The following CREBBP variants were observed in gnomAD, a reference collection of about 807,000 sequenced individuals.
CREBBP encodes CREB-binding protein.
Under a neutral mutation model 265.0 loss-of-function variants are expected in CREBBP, and 19 were observed. That is an observed-to-expected ratio of 0.07 (90% confidence interval 0.05 to 0.11). The LOEUF is 0.11. CREBBP is among the 10% of genes least tolerant of loss of function. CREBBP has a pLI of 1.00. For missense variants in CREBBP, 2,525 were observed against 3,219.0 expected, an observed-to-expected ratio of 0.78 and a Z score of 5.22; for synonymous variants, 1,457 against 1,223.7, an observed-to-expected ratio of 1.19 and a Z score of -3.98.
rs1023786038 is a variant in CREBBP at position 3,850,645 on chromosome 16, T to G, written c.450A>C (p.Ala150=). The change falls in exon 2 of 31, where the codon GCA becomes GCC. Residue 150 remains alanine (A), a synonymous_variant. Transcript: ENST00000262367. Reference sequence around the variant, plus strand: ...CTTGCTTTTGTGCTTGCGGATTCAGTGCTTGGGAGGCAGCGGGGGTGGGCC... The same window carrying G: ...CTTGCTTTTGTGCTTGCGGATTCAGGGCTTGGGAGGCAGCGGGGGTGGGCC... ...TSGPTPAASQ[A]LNPQAQKQVG... is the part of the protein sequence containing the mutation. 1 of 1,614,214 alleles carries G rather than the reference T, an allele frequency of 6.2e-7. No homozygotes were observed. The highest frequency in any genetic ancestry group is 8.5e-7 in the Non-Finnish European group (1 of 1,180,034).
chr16:3,806,453 T>TAA (rs763924641), intron 3 of CREBBP, among the ~76,000 whole-genome samples: 5,460 of 141,814 alleles, frequency 0.039, 287 homozygotes, highest in East Asian at 0.21. Flanking sequence ...ACGCAGTTCT[T>TAA]AAAAAAAAAA....
chr16:3,809,219 C>G (rs2053889604), intron 3 of CREBBP, among the ~76,000 whole-genome samples: 1 of 151,954 alleles, frequency 6.6e-6, no homozygotes, highest in Non-Finnish European at 1.5e-5. Flanking sequence ...GCTCTGCCAC[C>G]CAGGCTAGAG....
intron 3 of CREBBP, among the ~76,000 whole-genome samples, chr16:3,797,983 T>C (rs564091097): frequency 2.6e-5 from 4 of 152,246 alleles, no homozygotes; most frequent in South Asian, 2.1e-4. Context: ...CACTAAAAAA[T>C]TGGGCAAAGA....
chr16:3,745,217 C>CA, intron 22 of CREBBP, 60 bp downstream of exon 22: 1 of 1,473,472 alleles, frequency 6.8e-7, no homozygotes. Flanking sequence ...GTAGCCACTG[C>CA]AACTGCCCCG....
At chr16:3,857,097 C>A (rs1204704986) in intron 1 of CREBBP, among the ~76,000 whole-genome samples, 1 of 152,158 alleles carries the variant, frequency 6.6e-6, no homozygotes, top group Non-Finnish European at 1.5e-5. Flanking sequence ...AAACTTCACC[C>A]ATCATCCTGC....
At chr16:3,775,944 T>C (rs1178117278) in intron 11 of CREBBP, among the ~76,000 whole-genome samples, 1 of 151,828 alleles carries the variant, frequency 6.6e-6, no homozygotes, top group African/African-American at 2.4e-5. Flanking sequence ...GAGATGAGAT[T>C]TCGCTCTTGT....
intron 17 of CREBBP, among the ~76,000 whole-genome samples, chr16:3,758,258 T>C (rs576210532): frequency 1.3e-5 from 2 of 152,292 alleles, no homozygotes; most frequent in Non-Finnish European, 2.9e-5. Context: ...TCAGGTATGA[T>C]CACATTATAA....
intron 8 of CREBBP, among the ~76,000 whole-genome samples, chr16:3,780,058 G>A (rs765665865): frequency 6.6e-6 from 1 of 151,872 alleles, no homozygotes; most frequent in African/African-American, 2.4e-5. Flanking sequence ...CCTGGCCAGC[G>A]TGGTGAAACC....
rs914398285 is a variant in CREBBP, at chr16:3,879,750, C to T, written c.85+82G>A. The T allele has an allele frequency of 2.1e-6, 3 of 1,432,696 alleles. No homozygotes were observed. In the African/African-American group the frequency reaches 4.3e-5, roughly 20 times the overall value. The allele number at this position is 1,432,696 out of a possible 1,614,324, so 88.7% of individuals were successfully genotyped here. A position where few individuals can be genotyped will look rare whatever the true frequency, so the allele number is the denominator to read the frequency against. On this transcript the variant is annotated intron_variant, in intron 1 of 30. Coordinates refer to ENST00000262367, the MANE Select transcript of CREBBP (RefSeq NM_004380.3). ...GAGCTCCCGGCTCGATCGGTATCCG[C>T]GACCACGACCCCCGGACGCTCTCTT... is the stretch of plus-strand genomic sequence containing the variant.
Position 3,770,612 on chromosome 16 carries a change from C to T in CREBBP, c.2838G>A (p.Gln946=), listed in dbSNP as rs1297657584. ...PPSVATPQSS[Q]QQPTPVHAQP... is the part of the protein sequence containing the mutation. ...GGGCGTGCACAGGCGTCGGCTGTTG[C>T]TGCGATGACTGAGGGGTAGCCACAG... The change falls in exon 14 of 31, where the codon CAG becomes CAA. Residue 946 remains glutamine, a synonymous_variant. Transcript: ENST00000262367. 6.2e-7 allele frequency: 1 copy of T among 1,613,818 alleles called. No individual in the cohort carries two copies. Among genetic ancestry groups the T allele is most frequent in the Non-Finnish European group, 8.5e-7 (1 of 1,180,014 alleles).
At chr16:3,797,597 GTCTC>G (rs752609484) in intron 3 of CREBBP, among the ~76,000 whole-genome samples, 19 of 149,786 alleles carry the variant, frequency 1.3e-4, no homozygotes, top group South Asian at 6.3e-4. Flanking sequence ...CATGAATGTG[GTCTC>G]TCTCTCTCTC....
At chr16:3,758,266 T>C (rs973717669) in intron 17 of CREBBP, among the ~76,000 whole-genome samples, 2 of 152,154 alleles carry the variant, frequency 1.3e-5, no homozygotes, top group Admixed American at 1.3e-4. Context: ...GATCACATTA[T>C]AATACTCCAA....
At chr16:3,827,332 T>G (rs371467235) in intron 2 of CREBBP, among the ~76,000 whole-genome samples, 23 of 152,318 alleles carry the variant, frequency 1.5e-4, no homozygotes, top group African/African-American at 5.3e-4. Flanking sequence ...ATCAAACCTT[T>G]CCTTGCTACC....
intron 1 of CREBBP, among the ~76,000 whole-genome samples, chr16:3,879,252 ACACACACAC>A (rs749172326): frequency 2.0e-5 from 3 of 151,792 alleles, no homozygotes; most frequent in Non-Finnish European, 2.9e-5. Flanking sequence ...ACACACACAC[ACACACACAC>A]AAAACAAGGA....
intron 30 of CREBBP, 52 bp from the exon 31 acceptor site, chr16:3,729,926 C>G (rs2051866366): frequency 6.3e-7 from 1 of 1,590,948 alleles, no homozygotes; most frequent in Non-Finnish European, 8.5e-7. Flanking sequence ...CCCAGTACCA[C>G]CAGGCATCCT....
At chr16:3,859,199 A>T (rs2055023106) in intron 1 of CREBBP, among the ~76,000 whole-genome samples, 1 of 151,630 alleles carries the variant, frequency 6.6e-6, no homozygotes, top group African/African-American at 2.4e-5. Context: ...TTTATTTTTT[A>T]TTTTTTTATT....
At chr16:3,738,439 G>C (rs1186690584) in intron 26 of CREBBP, 120 bp downstream of exon 26, 2 of 719,144 alleles carry the variant, frequency 2.8e-6, no homozygotes, top group African/African-American at 1.8e-5. Flanking sequence ...ATTCTGAATT[G>C]ATCTTAGGAT....
At chr16:3,739,387 A>C in intron 25 of CREBBP, 191 bp downstream of exon 25, 1 of 663,584 alleles carries the variant, frequency 1.5e-6, no homozygotes, top group Non-Finnish European at 2.6e-6. Context: ...CGCTCACTGC[A>C]GTCATCTCAA....
intron 2 of CREBBP, among the ~76,000 whole-genome samples, chr16:3,828,732 G>A (rs1428013632): frequency 1.3e-5 from 2 of 152,166 alleles, no homozygotes; most frequent in Admixed American, 6.5e-5. Flanking sequence ...TCAATCACAG[G>A]TGGATTTTAA....
Sources: allele counts gnomAD v4.1 joint callset (sites outside exome capture counted in the v4.1 genomes callset), GRCh38; gene constraint gnomAD v4.1.1; transcripts MANE v1.5; gene names NCBI Gene and HGNC (gene_info 2026-07-23, HGNC 2026-07-21).